Variants in ZNF560 observed in about 807,000 individuals in gnomAD.
ZNF560 encodes zinc finger protein 560.
Under a neutral mutation model 81.8 loss-of-function variants are expected in ZNF560, and 54 were observed. The observed-to-expected ratio is 0.66, with a 90% confidence interval of 0.53 to 0.83. ZNF560 has a LOEUF of 0.83. ZNF560 is among the 40% of genes least tolerant of loss of function. The pLI is 0.00. For missense variants in ZNF560, 940 were observed against 932.4 expected (o/e 1.01, Z -0.11); for synonymous variants, 321 against 317.9 (o/e 1.01, Z -0.10).
At chr19:9,497,091 G>C (rs2073571204) in intron 2 of ZNF560, among the ~76,000 whole-genome samples, 2 of 151,596 alleles carry the variant, frequency 1.3e-5, no homozygotes, top group Non-Finnish European at 2.9e-5. Context: ...ACTCCAGCCT[G>C]GGCAACAAGG....
chr19:9,491,322 A>T (rs2073469397), intron 2 of ZNF560, among the ~76,000 whole-genome samples: 1 of 151,958 alleles, frequency 6.6e-6, no homozygotes. Context: ...GGATCTCACT[A>T]TGTTGGCCAG....
At chr19:9,477,920 A>C (rs2144701646) in intron 2 of ZNF560, among the ~76,000 whole-genome samples, 1 of 152,324 alleles carries the variant, frequency 6.6e-6, no homozygotes, top group East Asian at 1.9e-4. Flanking sequence ...TCATCAAAAG[A>C]GCAAATTTTT....
rs1460947513 is a variant in ZNF560, at chr19:9,467,220, T to C, written c.1727A>G (p.Lys576Arg). The change falls in exon 10 of 10, where the codon AAA (lysine) becomes AGA (arginine). Residue 576 changes from lysine to arginine, a missense_variant. By Grantham distance (26) the Lys-to-Arg change is conservative. Coordinates refer to ENST00000301480, the MANE Select transcript of ZNF560 (RefSeq NM_152476.3). ...HAGEKPYECMKCGKAFTERSY... is the reference protein window; with the variant it reads ...HAGEKPYECMRCGKAFTERSY... ...GCGCTCAGTGAAGGCTTTCCCACAT[T>C]TCATACATTCATAGGGTTTCTCTCC... The C allele has an allele frequency of 1.9e-6, 3 of 1,614,162 alleles. No homozygotes were observed. The highest frequency in any genetic ancestry group is 2.5e-6 in the Non-Finnish European group (3 of 1,180,018).
intron 2 of ZNF560, among the ~76,000 whole-genome samples, chr19:9,487,732 G>A (rs902990361): frequency 2.6e-5 from 4 of 152,186 alleles, no homozygotes; most frequent in Admixed American, 6.5e-5. Context: ...GTCATGGTCA[G>A]GGGAGGGCCA....
At chr19:9,493,266 A>G (rs1477089769) in intron 2 of ZNF560, among the ~76,000 whole-genome samples, 2 of 152,198 alleles carry the variant, frequency 1.3e-5, no homozygotes, top group African/African-American at 2.4e-5. Context: ...GAGGGCAAGG[A>G]AAATACAAAA....
intron 2 of ZNF560, among the ~76,000 whole-genome samples, chr19:9,483,714 T>TG (rs1430222612): frequency 3.4e-5 from 5 of 147,812 alleles, no homozygotes; most frequent in South Asian, 4.3e-4. Flanking sequence ...GTCTGGGAGG[T>TG]GGGGGGCGCC....
At chr19:9,462,817 G>T (rs1028438512), downstream of ZNF560, among the ~76,000 whole-genome samples, 10 of 152,064 alleles carry the variant, frequency 6.6e-5, no homozygotes, top group African/African-American at 2.4e-4. Context: ...TCTATCAAGG[G>T]CAAGTACAGT....
intron 2 of ZNF560, among the ~76,000 whole-genome samples, chr19:9,482,857 GT>G (rs1395521009): frequency 1.3e-5 from 2 of 152,170 alleles, no homozygotes; most frequent in Non-Finnish European, 2.9e-5. Flanking sequence ...TGGAGACGGG[GT>G]TTTGCTGTGT....
At chr19:9,448,829 G>A in the ZNF560 span, among the ~76,000 whole-genome samples, 4 of 152,244 alleles carry the variant, frequency 2.6e-5, no homozygotes, top group South Asian at 4.1e-4. Flanking sequence ...GACTCAAAAA[G>A]TGGGAGAAAG....
At chr19:9,484,396 G>T (rs2073352513) in intron 2 of ZNF560, among the ~76,000 whole-genome samples, 1 of 152,052 alleles carries the variant, frequency 6.6e-6, no homozygotes, top group African/African-American at 2.4e-5. Context: ...CACTTGAAAT[G>T]ACCTGTGTCT....
intron 2 of ZNF560, among the ~76,000 whole-genome samples, chr19:9,489,524 C>T (rs868230829): frequency 1.0e-4 from 15 of 150,590 alleles, no homozygotes; most frequent in Admixed American, 1.3e-4. Flanking sequence ...TCAGACAGGG[C>T]GGTGGCCAGG....
At position 9,468,136 on chromosome 19, in the gene ZNF560, C is replaced by G; in HGVS notation, c.811G>C (p.Gly271Arg). 6.2e-7 allele frequency: 1 copy of G among 1,614,006 alleles called. No individual in the cohort carries two copies. Among genetic ancestry groups the G allele is most frequent in the Non-Finnish European group, 8.5e-7 (1 of 1,179,982 alleles). Residue 271 changes from glycine to arginine, a missense_variant, in exon 10 of 10, where the codon GGA becomes CGA. Gly to Arg is a moderately radical substitution (Grantham distance 125). Coordinates refer to ENST00000301480, the MANE Select transcript of ZNF560 (RefSeq NM_152476.3). ...IRKVSVFSKHGKSFRLILNVQ... is the reference protein window; with the variant it reads ...IRKVSVFSKHRKSFRLILNVQ... ...TTTAAAATCAGGCGGAAAGATTTTCCATGCTTACTGAACACAGAAACTTTC... is the reference window on the plus strand; with the variant it reads ...TTTAAAATCAGGCGGAAAGATTTTCGATGCTTACTGAACACAGAAACTTTC...
In ZNF560 at chr19:9,471,512, T is replaced by C. The variant is rs189867823; in HGVS notation, c.239-134A>G. 5.4e-3 allele frequency: 3,269 copies of C among 605,330 alleles called. 15 individuals are homozygous for C. The highest frequency in any genetic ancestry group is 7.5e-3 in the Admixed American group (187 of 24,832). 37.5% of individuals were successfully genotyped at this position (605,330 alleles called of 1,614,324 possible). A position where few individuals can be genotyped will look rare whatever the true frequency, so the allele number is the denominator to read the frequency against. On this transcript the variant is annotated intron_variant, in intron 5 of 9. Coordinates refer to ENST00000301480, the MANE Select transcript of ZNF560 (RefSeq NM_152476.3). The stretch of plus-strand genomic sequence containing the variant: ...AGAAAAAAGAAAGCTAAATTGAACA[T>C]TTAGACTGTGTCAAAAAATTGGCAA...
At chr19:9,480,268 AG>A (rs2073266077) in intron 2 of ZNF560, among the ~76,000 whole-genome samples, 1 of 152,244 alleles carries the variant, frequency 6.6e-6, no homozygotes, top group African/African-American at 2.4e-5. Context: ...AACAAATTTA[AG>A]AAGCTTAAAA....
At chr19:9,499,960 C>T (rs1358818783), upstream of ZNF560, among the ~76,000 whole-genome samples, 1 of 152,142 alleles carries the variant, frequency 6.6e-6, no homozygotes, top group African/African-American at 2.4e-5. Flanking sequence ...ATTACAAGCT[C>T]TGCTAGTTTT....
In ZNF560 at chr19:9,467,006, TA is replaced by T; in HGVS notation, c.1940del (p.Leu647Ter). The T allele has an allele frequency of 6.2e-7, 1 of 1,613,410 alleles. No individual in the cohort carries two copies. Among genetic ancestry groups the T allele is most frequent in the South Asian group, 1.1e-5 (1 of 91,048 alleles). ...AGGGTTTATATCCAGTGTGAGTTCTTAAATGATCAACTAGACTGGAGGAGAC... is the reference window on the plus strand; with the variant it reads ...AGGGTTTATATCCAGTGTGAGTTCTTAATGATCAACTAGACTGGAGGAGAC... ...FVVSSSLVDH[L>X]RTHTGYKPYK... On this transcript the variant is annotated frameshift_variant, in exon 10 of 10. Transcript: ENST00000301480. LOFTEE classifies it high-confidence loss of function.
intron 2 of ZNF560, among the ~76,000 whole-genome samples, chr19:9,496,635 A>G (rs1340513696): frequency 2.2e-5 from 3 of 138,216 alleles, no homozygotes; most frequent in African/African-American, 3.5e-5. Flanking sequence ...AAGAAAAACA[A>G]AAGACAACAA....
At chr19:9,475,416 A>G in intron 2 of ZNF560, 47 bp from the exon 3 acceptor site, 7 of 1,117,054 alleles carry the variant, frequency 6.3e-6, no homozygotes, top group Non-Finnish European at 9.2e-6. Flanking sequence ...TCACAGTTCC[A>G]ACATTCGCAT....
chr19:9,505,436 A>AAT, the ZNF560 span, among the ~76,000 whole-genome samples: 1 of 152,240 alleles, frequency 6.6e-6, no homozygotes, highest in Non-Finnish European at 1.5e-5. Context: ...TTGTAGACAG[A>AAT]ATACGATTTG....
Sources: allele counts gnomAD v4.1 joint callset (sites outside exome capture counted in the v4.1 genomes callset), GRCh38; gene constraint gnomAD v4.1.1; transcripts MANE v1.5; gene names NCBI Gene and HGNC (gene_info 2026-07-23, HGNC 2026-07-21).